Variants in MYO16 observed in about 807,000 individuals in gnomAD.
MYO16 encodes myosin XVI.
MYO16 carries 94 observed loss-of-function variants against 205.3 expected under a neutral mutation model. The ratio of observed to expected loss-of-function variants is 0.46; its 90% confidence interval spans 0.39 to 0.54. MYO16 has a LOEUF of 0.54. MYO16 is among the 20% of genes least tolerant of loss of function. MYO16 has a pLI of 0.00. For synonymous variants in MYO16, 988 were observed against 954.0 expected (o/e 1.04, Z -0.66); for missense variants, 2,315 against 2,387.5 (o/e 0.97, Z 0.63).
the MYO16 span, among the ~76,000 whole-genome samples, chr13:108,498,211 CAT>C: frequency 6.6e-6 from 1 of 152,200 alleles, no homozygotes; most frequent in African/African-American, 2.4e-5. Context: ...AATAAAAACA[CAT>C]GTTCATAGAA....
intron 34 of MYO16, among the ~76,000 whole-genome samples, chr13:109,189,081 C>A (rs960249391): frequency 1.3e-5 from 2 of 148,542 alleles, no homozygotes; most frequent in African/African-American, 2.5e-5. Context: ...GCAACAAGAG[C>A]AAAATTCTGT....
At chr13:108,625,857 A>G (rs988950898), upstream of MYO16, among the ~76,000 whole-genome samples, 2 of 152,230 alleles carry the variant, frequency 1.3e-5, no homozygotes, top group Admixed American at 6.5e-5. Flanking sequence ...TTCATTTAAT[A>G]AAGCATGTCA....
chr13:108,837,523 T>C (rs949063859), intron 9 of MYO16, among the ~76,000 whole-genome samples: 59 of 152,338 alleles, frequency 3.9e-4, no homozygotes, highest in Admixed American at 4.6e-4. Flanking sequence ...AGATGATTTA[T>C]TAAGAATACA....
intron 9 of MYO16, among the ~76,000 whole-genome samples, chr13:108,843,707 T>C (rs1272336220): frequency 6.6e-6 from 1 of 152,152 alleles, no homozygotes; most frequent in Non-Finnish European, 1.5e-5. Flanking sequence ...TATTTATTTT[T>C]AATGAACATT....
In MYO16 at chr13:108,617,221, T is replaced by C. The variant is rs150349300; in HGVS notation, c.-39+20982T>C. 8.3e-3 allele frequency among the ~76,000 whole-genome samples: 1,266 copies of C among 152,236 alleles called. 14 individuals are homozygous for C. Among genetic ancestry groups the C allele is most frequent in the Non-Finnish European group, 0.01 (691 of 68,010 alleles). ...GGGCCTGTGAGATCCCCAAGAGCGCTGGACCCACCCCAGAGATTTGGATGC... is the reference window on the plus strand; with the variant it reads ...GGGCCTGTGAGATCCCCAAGAGCGCCGGACCCACCCCAGAGATTTGGATGC... On this transcript the variant is annotated intron_variant, in intron 1 of 24. Coordinates refer to the MYO16 transcript ENST00000251041.
intron 27 of MYO16, among the ~76,000 whole-genome samples, chr13:109,085,371 A>G (rs1888406663): frequency 6.6e-6 from 1 of 152,158 alleles, no homozygotes; most frequent in Non-Finnish European, 1.5e-5. Flanking sequence ...AACTTTCGAG[A>G]TGTTTAGGAT....
intron 15 of MYO16, among the ~76,000 whole-genome samples, chr13:108,905,665 A>C (rs1880935001): frequency 6.6e-6 from 1 of 152,236 alleles, no homozygotes; most frequent in Admixed American, 6.5e-5. Context: ...TTAGAAGGTC[A>C]CCAGGAAATA....
intron 15 of MYO16, among the ~76,000 whole-genome samples, chr13:108,903,316 A>T (rs144883440): frequency 3.9e-4 from 59 of 152,286 alleles, no homozygotes; most frequent in African/African-American, 1.3e-3. Flanking sequence ...CTAATTTATA[A>T]ATTAAATTTT....
At chr13:108,726,567 A>AAAAG (rs1344219360) in intron 3 of MYO16, among the ~76,000 whole-genome samples, 4 of 150,278 alleles carry the variant, frequency 2.7e-5, no homozygotes, top group African/African-American at 9.8e-5. Context: ...CAAAAAAAAA[A>AAAAG]AAAAAGAAAA....
At chr13:109,174,515 T>C (rs1417669296) in intron 33 of MYO16, among the ~76,000 whole-genome samples, 1 of 152,096 alleles carries the variant, frequency 6.6e-6, no homozygotes, top group Non-Finnish European at 1.5e-5. Context: ...GCTCAAGAGA[T>C]AGAAGACAGA....
chr13:108,644,846 T>C (rs1384978432), intron 1 of MYO16, among the ~76,000 whole-genome samples: 1 of 152,192 alleles, frequency 6.6e-6, no homozygotes, highest in Non-Finnish European at 1.5e-5. Flanking sequence ...GTCTGGAGTA[T>C]AGTCTGAAAA....
At chr13:108,812,080 C>T (rs903686894) in intron 7 of MYO16, among the ~76,000 whole-genome samples, 2 of 152,152 alleles carry the variant, frequency 1.3e-5, no homozygotes, top group African/African-American at 4.8e-5. Flanking sequence ...TAGAATGCAC[C>T]ACCACATATA....
intron 6 of MYO16, among the ~76,000 whole-genome samples, chr13:108,799,732 T>C (rs196130): frequency 0.82 from 124,836 of 152,146 alleles, 52,265 homozygotes; most frequent in East Asian, 1. Flanking sequence ...TAGTTAAATG[T>C]TAAATCCATT....
chr13:108,602,119 A>C (rs1467464265), intron 1 of MYO16, among the ~76,000 whole-genome samples: 3 of 144,006 alleles, frequency 2.1e-5, no homozygotes, highest in East Asian at 2.0e-4. Context: ...AAAAAAAAAA[A>C]AAACAGCCCA....
At chr13:108,622,470 C>T (rs367856885) in intron 1 of MYO16, among the ~76,000 whole-genome samples, 30 of 152,198 alleles carry the variant, frequency 2.0e-4, no homozygotes, top group African/African-American at 7.0e-4. Flanking sequence ...ACTAGAGGAG[C>T]CTTGGTCAGG....
chr13:108,520,643 A>G, the MYO16 span, among the ~76,000 whole-genome samples: 1 of 152,086 alleles, frequency 6.6e-6, no homozygotes, highest in Non-Finnish European at 1.5e-5. Flanking sequence ...CAATTTATTA[A>G]TACATTGAAA....
At chr13:108,933,067 T>C (rs1256496546) in intron 16 of MYO16, among the ~76,000 whole-genome samples, 1 of 151,978 alleles carries the variant, frequency 6.6e-6, no homozygotes, top group Non-Finnish European at 1.5e-5. Context: ...AAGGTCCTCA[T>C]GATGAATTTT....
At chr13:108,766,217 ACT>A (rs35224813) in intron 4 of MYO16, among the ~76,000 whole-genome samples, 10,440 of 152,242 alleles carry the variant, frequency 0.069, 615 homozygotes, top group East Asian at 0.24. Flanking sequence ...GAGAGGCATG[ACT>A]CTGCTCATTC....
At chr13:108,646,385 A>C (rs1880756105) in intron 1 of MYO16, among the ~76,000 whole-genome samples, 1 of 152,190 alleles carries the variant, frequency 6.6e-6, no homozygotes, top group Admixed American at 6.5e-5. Flanking sequence ...GACTCAATTC[A>C]AACTCAGCTA....
Sources: allele counts gnomAD v4.1 joint callset (sites outside exome capture counted in the v4.1 genomes callset), GRCh38; gene constraint gnomAD v4.1.1; transcripts MANE v1.5; gene names NCBI Gene and HGNC (gene_info 2026-07-23, HGNC 2026-07-21).